TMEM67: variants seen among roughly 807,000 people sequenced by gnomAD.
The protein encoded by TMEM67 is meckelin.
Under a neutral mutation model 136.6 loss-of-function variants are expected in TMEM67, and 124 were observed. The observed-to-expected ratio is 0.91, with a 90% CI of 0.78 to 1.05. The LOEUF (loss-of-function observed/expected upper bound fraction) is 1.05. TMEM67 is among the 50% of genes least tolerant of loss of function. The pLI, the probability that TMEM67 is intolerant of heterozygous loss-of-function variation, is 0.00. For missense variants in TMEM67, 1,107 were observed against 1,178.4 expected (o/e 0.94, Z 0.89); for synonymous variants, 364 against 390.5 (o/e 0.93, Z 0.80).
chr8:93,830,455 CAT>C, the TMEM67 span, among the ~76,000 whole-genome samples: 3 of 152,306 alleles, frequency 2.0e-5, no homozygotes, highest in East Asian at 5.8e-4. Context: ...GAGGCCCTGA[CAT>C]GTGACTGGTA....
At chr8:93,758,838 A>G (rs1329428866) in intron 3 of TMEM67, 3 of 402,474 alleles carry the variant, frequency 7.5e-6, no homozygotes, top group Non-Finnish European at 1.4e-5. Context: ...GCCTCGAGAG[A>G]TCTTCCTGCC....
intron 3 of TMEM67, chr8:93,758,839 T>G (rs1311464425): frequency 7.5e-6 from 3 of 397,978 alleles, no homozygotes; most frequent in African/African-American, 4.1e-5. Context: ...CCTCGAGAGA[T>G]CTTCCTGCCT....
At position 93,777,972 on chromosome 8, in the gene TMEM67, T is replaced by A. The variant is rs190007454; in HGVS notation, c.715-2621T>A. 5.6e-3 allele frequency among the ~76,000 whole-genome samples: 850 copies of A among 152,284 alleles called. 4 individuals carry two copies. The highest frequency in any genetic ancestry group is 8.8e-3 in the Non-Finnish European group (598 of 68,022). The stretch of plus-strand genomic sequence containing the variant: ...GTGGGGTGTTAAAGTCTCCCATTAT[T>A]ATTGTGTGGGAGTCTAAGTCTCTTT... On this transcript the variant is annotated intron_variant, in intron 7 of 27. Coordinates refer to ENST00000453321, the MANE Select transcript of TMEM67 (RefSeq NM_153704.6).
At chr8:93,823,817 G>A (rs1467175026), downstream of TMEM67, among the ~76,000 whole-genome samples, 3 of 151,516 alleles carry the variant, frequency 2.0e-5, no homozygotes, top group African/African-American at 7.3e-5. Context: ...TCCCATTACA[G>A]CAAACAGAAC....
the TMEM67 span, among the ~76,000 whole-genome samples, chr8:93,825,399 A>G: frequency 6.6e-6 from 1 of 152,216 alleles, no homozygotes; most frequent in Non-Finnish European, 1.5e-5. Flanking sequence ...GAGTGTCCAA[A>G]ATAAAGGAGG....
intron 14 of TMEM67, among the ~76,000 whole-genome samples, 176 bp downstream of exon 14, chr8:93,788,125 T>TA (rs1814201520): frequency 6.6e-6 from 1 of 152,154 alleles, no homozygotes; most frequent in South Asian, 2.1e-4. Context: ...GGTGAGTTCT[T>TA]ATGGATCCTG....
chr8:93,808,266 TATAA>T (rs889109283), intron 23 of TMEM67, among the ~76,000 whole-genome samples: 2 of 144,252 alleles, frequency 1.4e-5, no homozygotes, highest in Non-Finnish European at 3.0e-5. Context: ...GTGATAAATA[TATAA>T]ATATATATAC....
chr8:93,765,485 A>T lies in TMEM67; in HGVS notation c.576+10A>T, dbSNP rs774053559. 2.5e-6 allele frequency: 4 copies of T among 1,610,544 alleles called. No individual in the cohort carries two copies. Among genetic ancestry groups the T allele is most frequent in the Non-Finnish European group, 3.4e-6 (4 of 1,177,986 alleles). On this transcript the variant is annotated intron_variant, in intron 5 of 27. Transcript: ENST00000453321. ...AGAACCTAACATTTTAGTAAGGCTA[A>T]CCAAATTGATAAAGTATATATATTT... is the stretch of plus-strand genomic sequence containing the variant.
Position 93,795,484 on chromosome 8 carries a change from C to G in TMEM67, c.1750C>G (p.Leu584Val). 6.2e-7 allele frequency: 1 copy of G among 1,613,720 alleles called. No homozygotes were observed. The highest frequency in any genetic ancestry group is 2.2e-5 in the East Asian group (1 of 44,858). ...VFFIITVGTG[L>V]YWLIFFKAQK... ...CTTTATCATCACAGTGGGAACAGGT[C>G]TTTACTGGCTTATTTTCTTCAAAGT... Residue 584 changes from leucine to valine, a missense_variant, in exon 17 of 28, where the codon CTT becomes GTT. Coordinates refer to ENST00000453321, the MANE Select transcript of TMEM67 (RefSeq NM_153704.6).
rs1478405372 is a variant in TMEM67, at chr8:93,783,650, G to A, written c.1131+1190G>A. Reference sequence around the variant, plus strand: ...CTAATAAAAACACATCCGAGACTGGGTAATTTACAAAGGAAATAGGTTTAA... The same window carrying A: ...CTAATAAAAACACATCCGAGACTGGATAATTTACAAAGGAAATAGGTTTAA... On this transcript the variant is annotated intron_variant, in intron 11 of 27. Transcript: ENST00000453321. Among the ~76,000 whole-genome samples, 4 of 152,272 alleles carry A rather than the reference G, an allele frequency of 2.6e-5. No individual in the cohort carries two copies. The East Asian group carries it at 7.7e-4, about 29-fold the overall frequency.
chr8:93,810,015 C>A, intron 26 of TMEM67, 128 bp downstream of exon 26: 1 of 580,786 alleles, frequency 1.7e-6, no homozygotes, highest in East Asian at 3.2e-5. Context: ...GTTGCCCAGG[C>A]TGGAGTGCAG....
the TMEM67 span, among the ~76,000 whole-genome samples, chr8:93,828,902 G>A: frequency 6.6e-6 from 1 of 152,050 alleles, no homozygotes; most frequent in East Asian, 1.9e-4. Context: ...CATATTTCAT[G>A]TTATATTTAT....
At chr8:93,795,280 A>G in intron 16 of TMEM67, 129 bp from the exon 17 acceptor site, 1 of 807,692 alleles carries the variant, frequency 1.2e-6, no homozygotes, top group South Asian at 1.4e-5. Context: ...GCTGGATCAT[A>G]TGGGGATATG....
intron 6 of TMEM67, among the ~76,000 whole-genome samples, chr8:93,771,166 TCA>T (rs1391165269): frequency 6.6e-6 from 1 of 152,112 alleles, no homozygotes; most frequent in Non-Finnish European, 1.5e-5. Flanking sequence ...ACTAAACTGG[TCA>T]CTTCTAATAA....
In TMEM67 at chr8:93,791,301, A is replaced by G; in HGVS notation, c.1557A>G (p.Glu519=). Residue 519 remains glutamate (E), a synonymous_variant, in exon 15 of 28, where the codon GAA becomes GAG. Transcript: ENST00000453321. ...FSVTYEMDHG[E]AHVQTDIALG... ...TCACATATGAAATGGATCATGGAGA[A>G]GCACATGTCCAGACAGATGTAAGTT... 6.2e-7 allele frequency: 1 copy of G among 1,605,234 alleles called. No individual in the cohort carries two copies. Among genetic ancestry groups the G allele is most frequent in the Non-Finnish European group, 8.5e-7 (1 of 1,172,436 alleles).
intron 4 of TMEM67, among the ~76,000 whole-genome samples, chr8:93,764,880 TC>T (rs977920021): frequency 5.3e-5 from 8 of 152,076 alleles, no homozygotes; most frequent in African/African-American, 1.7e-4. Flanking sequence ...ACCAGTACCC[TC>T]CCTCCCTCTG....
At chr8:93,757,327 C>A (rs117029922) in intron 2 of TMEM67, among the ~76,000 whole-genome samples, 1 of 151,950 alleles carries the variant, frequency 6.6e-6, no homozygotes, top group Non-Finnish European at 1.5e-5. Context: ...ATTTTGAATG[C>A]TGTCATACTT....
chr8:93,779,221 TTC>T (rs1813697436), intron 7 of TMEM67, among the ~76,000 whole-genome samples: 1 of 152,218 alleles, frequency 6.6e-6, no homozygotes. Context: ...ATTTAAGGTC[TTC>T]TCTACACTGT....
chr8:93,810,160 C>T (rs1214106733), intron 26 of TMEM67, among the ~76,000 whole-genome samples: 1 of 150,172 alleles, frequency 6.7e-6, no homozygotes, highest in Non-Finnish European at 1.5e-5. Flanking sequence ...TTAGTAGAGA[C>T]GGGTTTCACT....
Sources: gnomAD v4.1 joint callset for allele counts (sites outside exome capture counted in the v4.1 genomes callset) on GRCh38, gnomAD v4.1.1 for gene constraint, MANE v1.5 for transcripts, NCBI Gene and HGNC (gene_info 2026-07-23, HGNC 2026-07-21) for gene names.